The following MBNL1 variants were observed in gnomAD, a reference collection of about 807,000 sequenced individuals.
The protein encoded by MBNL1 is muscleblind like splicing regulator 1.
In MBNL1, 8 loss-of-function variants were observed where a neutral mutation model predicts 42.2. The ratio of observed to expected loss-of-function variants is 0.19; its 90% confidence interval spans 0.11 to 0.34. MBNL1 has a LOEUF of 0.34. Ranked by LOEUF, MBNL1 falls within the 10% of genes least tolerant of loss-of-function variation. The pLI, the probability that MBNL1 is intolerant of heterozygous loss-of-function variation, is 1.00. For synonymous variants in MBNL1, 169 were observed against 173.9 expected, an observed-to-expected ratio of 0.97 and a Z score of 0.22; for missense variants, 309 against 495.3, an observed-to-expected ratio of 0.62 and a Z score of 3.57.
intron 2 of MBNL1, among the ~76,000 whole-genome samples, chr3:152,317,535 G>T (rs1193933231): frequency 6.6e-6 from 1 of 152,044 alleles, no homozygotes; most frequent in Admixed American, 6.6e-5. Context: ...ACCCAGGCTG[G>T]CCTTGAAATC....
intron 1 of MBNL1, among the ~76,000 whole-genome samples, chr3:152,288,149 T>C (rs1286323658): frequency 6.6e-6 from 1 of 152,230 alleles, no homozygotes. Flanking sequence ...TTGAAGTCTT[T>C]TAAAAATTCA....
intron 2 of MBNL1, chr3:152,244,502 A>G (rs767991809): frequency 1.3e-5 from 2 of 152,220 alleles, no homozygotes; most frequent in African/African-American, 4.8e-5. Flanking sequence ...TATAGCAACA[A>G]TTTAAATGCT....
At chr3:152,317,557 C>T (rs930755954) in intron 2 of MBNL1, among the ~76,000 whole-genome samples, 1 of 151,962 alleles carries the variant, frequency 6.6e-6, no homozygotes, top group Admixed American at 6.6e-5. Context: ...TGAGCTCAAG[C>T]GATCCACCCA....
rs769587179 is a variant in MBNL1 at position 152,391,927 on chromosome 3, T to C, written c.175-23014T>C. ...TCTGATGAATGCATTCCAATTCTCT[T>C]TTGGTGGGAAAGGCTGAGTTTGCAG... On this transcript the variant is annotated intron_variant, in intron 2 of 9. Coordinates refer to ENST00000324210, the MANE Select transcript of MBNL1 (RefSeq NM_021038.5). Among the ~76,000 whole-genome samples the C allele has an allele frequency of 4.2e-4, 64 of 152,178 alleles. 1 individual carries two copies. The highest frequency in any genetic ancestry group is 5.9e-5 in the Non-Finnish European group (4 of 68,022).
intron 2 of MBNL1, among the ~76,000 whole-genome samples, chr3:152,351,132 T>C (rs987425208): frequency 2.6e-5 from 4 of 152,118 alleles, no homozygotes; most frequent in Non-Finnish European, 5.9e-5. Context: ...AAAACATAAC[T>C]TAGAGTTCAG....
intron 2 of MBNL1, among the ~76,000 whole-genome samples, chr3:152,319,645 G>C (rs1181604651): frequency 9.4e-6 from 1 of 106,582 alleles, no homozygotes; most frequent in African/African-American, 3.9e-5. Flanking sequence ...TTTTTGGCTG[G>C]ACAACAGACT....
At position 152,463,581 on chromosome 3, in the gene MBNL1, C is replaced by T. The variant is rs916242770; in HGVS notation, c.*1215C>T. 4 of 152,232 alleles carry T rather than the reference C, an allele frequency of 2.6e-5. No individual in the cohort carries two copies. Among genetic ancestry groups the T allele is most frequent in the Non-Finnish European group, 4.4e-5 (3 of 67,908 alleles). 9.4% of individuals were successfully genotyped at this position (152,232 alleles called of 1,614,324 possible). ...TGAAAATGGGAAATGTTTAATTAAC[C>T]TAGTAATTGGGTGGGTTAAGTACAT... On this transcript the variant is annotated 3_prime_UTR_variant, in exon 10 of 10. Transcript: ENST00000324210.
chr3:152,354,669 C>A (rs1380122299), intron 2 of MBNL1, among the ~76,000 whole-genome samples: 1 of 150,902 alleles, frequency 6.6e-6, no homozygotes, highest in Non-Finnish European at 1.5e-5. Flanking sequence ...TGCCCTGAAG[C>A]CTTTGGTTTA....
At chr3:152,354,428 C>T (rs1418186519) in intron 2 of MBNL1, among the ~76,000 whole-genome samples, 1 of 152,108 alleles carries the variant, frequency 6.6e-6, no homozygotes, top group East Asian at 1.9e-4. Flanking sequence ...GCCCTCCAGC[C>T]TGGGTAACAA....
intron 4 of MBNL1, among the ~76,000 whole-genome samples, chr3:152,439,755 G>A (rs1392359551): frequency 6.6e-6 from 1 of 152,132 alleles, no homozygotes; most frequent in African/African-American, 2.4e-5. Flanking sequence ...AGACTTAGGT[G>A]GGAGGATCAC....
At chr3:152,374,990 G>A (rs895513706) in intron 2 of MBNL1, among the ~76,000 whole-genome samples, 1 of 152,128 alleles carries the variant, frequency 6.6e-6, no homozygotes, top group African/African-American at 2.4e-5. Flanking sequence ...AAGAAGTTGA[G>A]GTTATTTTTT....
chr3:152,285,629 ATTT>A (rs35445762), intron 1 of MBNL1, among the ~76,000 whole-genome samples: 2 of 129,006 alleles, frequency 1.6e-5, no homozygotes, highest in Non-Finnish European at 1.6e-5. Flanking sequence ...TTTTTTTTCA[ATTT>A]TTTTTTTTTT....
At chr3:152,447,189 GAGC>G (rs148848771) in intron 5 of MBNL1, among the ~76,000 whole-genome samples, 10,824 of 152,166 alleles carry the variant, frequency 0.071, 505 homozygotes, top group Middle Eastern at 0.16. Context: ...CTGGGGGGAG[GAGC>G]AGAGTGGGTT....
rs1418674827 is a variant in MBNL1 at position 152,445,390 on chromosome 3, G to A, written c.658G>A (p.Val220Met). 1 of 1,614,132 alleles carries A rather than the reference G, an allele frequency of 6.2e-7. No homozygotes were observed. Among genetic ancestry groups the A allele is most frequent in the Admixed American group, 1.7e-5 (1 of 59,998 alleles). ...MIDTNDNTVTVCMDYIKGRCS... is the reference protein window; with the variant it reads ...MIDTNDNTVTMCMDYIKGRCS... ...TGACACCAATGACAACACAGTCACT[G>A]TGTGTATGGATTACATCAAAGGGAG... Residue 220 changes from valine to methionine, a missense_variant, in exon 5 of 10, where the codon GTG becomes ATG. Transcript: ENST00000324210.
chr3:152,253,043 T>G (rs1339551957), intron 2 of MBNL1, among the ~76,000 whole-genome samples: 2 of 152,108 alleles, frequency 1.3e-5, no homozygotes, highest in African/African-American at 4.8e-5. Context: ...TTTCCAGACA[T>G]CCACCCTTAT....
chr3:152,440,640 C>G (rs2099134404), intron 4 of MBNL1, among the ~76,000 whole-genome samples: 1 of 152,152 alleles, frequency 6.6e-6, no homozygotes, highest in Non-Finnish European at 1.5e-5. Flanking sequence ...AACTAGAAAT[C>G]ACATCATCCG....
At chr3:152,381,781 T>C (rs2153410753) in intron 2 of MBNL1, among the ~76,000 whole-genome samples, 1 of 152,188 alleles carries the variant, frequency 6.6e-6, no homozygotes, top group East Asian at 1.9e-4. Context: ...CTTTGTAACT[T>C]AGAGTGAGAA....
chr3:152,313,367 C>T (rs2068247151), intron 2 of MBNL1, among the ~76,000 whole-genome samples: 2 of 152,092 alleles, frequency 1.3e-5, no homozygotes, highest in Non-Finnish European at 2.9e-5. Flanking sequence ...TTGTTAAGAG[C>T]CTAAACCGTG....
chr3:152,263,102 C>A (rs2036575894), upstream of MBNL1: 2 of 152,120 alleles, frequency 1.3e-5, no homozygotes, highest in African/African-American at 4.8e-5. Context: ...TGGTCAAGGG[C>A]CAACTCTCCA....
Sources: gnomAD v4.1 joint callset for allele counts (sites outside exome capture counted in the v4.1 genomes callset) on GRCh38, gnomAD v4.1.1 for gene constraint, MANE v1.5 for transcripts, NCBI Gene and HGNC (gene_info 2026-07-23, HGNC 2026-07-21) for gene names.